LRIG3: variants seen among roughly 807,000 people sequenced by gnomAD.
The protein encoded by LRIG3 is leucine rich repeats and immunoglobulin like domains 3.
LRIG3 carries 76 observed loss-of-function variants against 114.5 expected under a neutral mutation model. That is an observed-to-expected ratio of 0.66 (90% CI 0.55 to 0.80). The LOEUF (loss-of-function observed/expected upper bound fraction) is 0.80, where lower values mean the gene tolerates loss of function less well. LRIG3 is among the 30% of genes least tolerant of loss of function. LRIG3 has a pLI of 0.00. For synonymous variants in LRIG3, 512 were observed against 519.8 expected, an observed-to-expected ratio of 0.98 and a Z score of 0.20; for missense variants, 1,239 against 1,382.8, an observed-to-expected ratio of 0.90 and a Z score of 1.65.
rs929349797 is a variant in LRIG3, at chr12:58,920,302, A to G, written c.-67T>C. The G allele has an allele frequency of 5.7e-6, 7 of 1,219,646 alleles. No homozygotes were observed. Among genetic ancestry groups the G allele is most frequent in the African/African-American group, 1.6e-5 (1 of 62,702 alleles). 75.6% of individuals were successfully genotyped at this position (1,219,646 alleles called of 1,614,324 possible). A position where few individuals can be genotyped will look rare whatever the true frequency, so the allele number is the denominator to read the frequency against. On this transcript the variant is annotated 5_prime_UTR_variant, in exon 1 of 19. Coordinates refer to ENST00000320743, the MANE Select transcript of LRIG3 (RefSeq NM_153377.5). ...GGCGCGCGCTCGGGGCCCGGCACAA[A>G]CTTCCAGCCGAGGGTGCACGCCCGC...
chr12:58,911,550 CA>C (rs1404670206), intron 3 of LRIG3, among the ~76,000 whole-genome samples: 37 of 152,236 alleles, frequency 2.4e-4, no homozygotes, highest in African/African-American at 7.7e-4. Context: ...AAAACAACCA[CA>C]AAAAACTCTT....
chr12:58,887,041 C>T (rs766497734), intron 8 of LRIG3, 151 bp from the exon 9 acceptor site: 16 of 593,466 alleles, frequency 2.7e-5, no homozygotes, highest in African/African-American at 3.8e-5. Context: ...TTTTCTCCAA[C>T]TTACCTCTTA....
rs753222629 is a variant in LRIG3 at position 58,880,730 on chromosome 12, T to G, written c.1652A>C (p.His551Pro). 2 of 1,614,126 alleles carry G rather than the reference T, an allele frequency of 1.2e-6. No individual in the cohort carries two copies. The highest frequency in any genetic ancestry group is 4.5e-5 in the East Asian group (2 of 44,866). ...LHDAEMENYA[H>P]LRAQGGEVME... ...CACCTCGCCACCTTGGGCCCGGAGG[T>G]GTGCATAATTTTCCATTTCAGCATC... The change falls in exon 13 of 19, where the codon CAC becomes CCC. Residue 551 changes from histidine to proline, a missense_variant. Physicochemically the swap from His to Pro is moderately conservative, Grantham distance 77 (BLOSUM62 -2). Transcript: ENST00000320743.
In LRIG3 at chr12:58,890,761, T is replaced by C; in HGVS notation, c.419A>G (p.His140Arg). ...GNRIVEILPE[H>R]LKEFQSLETL... ...TTCAAGGGACTGAAACTCTTTCAGA[T>C]GTTCAGGGAGTATTTCAACAATCCT... The change falls in exon 4 of 19, where the codon CAT becomes CGT. Residue 140 changes from histidine (H) to arginine (R), a missense_variant. His to Arg is a conservative substitution (Grantham distance 29). Coordinates refer to ENST00000320743, the MANE Select transcript of LRIG3 (RefSeq NM_153377.5). 1 of 1,608,214 alleles carries C rather than the reference T, an allele frequency of 6.2e-7. No individual in the cohort carries two copies. The highest frequency in any genetic ancestry group is 1.1e-5 in the South Asian group (1 of 89,494).
At position 58,878,970 on chromosome 12, in the gene LRIG3, G is replaced by C. The variant is rs774479435; in HGVS notation, c.1937C>G (p.Ala646Gly). ...WQKDGGTDFP[A>G]ARERRMHVMP... ...CACATGCATGCGTCTCTCCCGTGCAGCTGGGAAGTCTGTGCCCCCATCCTT... is the reference window on the plus strand; with the variant it reads ...CACATGCATGCGTCTCTCCCGTGCACCTGGGAAGTCTGTGCCCCCATCCTT... Residue 646 changes from alanine (A) to glycine (G), a missense_variant, in exon 14 of 19, where the codon GCT (alanine) becomes GGT (glycine). By Grantham distance (60) the Ala-to-Gly change is moderately conservative. Transcript: ENST00000320743. 6.8e-6 allele frequency: 11 copies of C among 1,614,062 alleles called. No homozygotes were observed. The South Asian group carries it at 1.2e-4, about 18-fold the overall frequency.
intron 10 of LRIG3, among the ~76,000 whole-genome samples, chr12:58,885,117 G>C (rs1871234274): frequency 6.6e-6 from 1 of 152,202 alleles, no homozygotes; most frequent in African/African-American, 2.4e-5. Flanking sequence ...GCAAGAGCTA[G>C]TGTGATGCAG....
At position 58,874,498 on chromosome 12, in the gene LRIG3, C is replaced by A. The variant is rs747631193; in HGVS notation, c.2771G>T (p.Gly924Val). The A allele has an allele frequency of 6.2e-7, 1 of 1,614,184 alleles. No homozygotes were observed. Among genetic ancestry groups the A allele is most frequent in the Non-Finnish European group, 8.5e-7 (1 of 1,180,038 alleles). The change falls in exon 17 of 19, where the codon GGA (glycine) becomes GTA (valine). Residue 924 changes from glycine (G) to valine (V), a missense_variant. Coordinates refer to ENST00000320743, the MANE Select transcript of LRIG3 (RefSeq NM_153377.5). ...CTTCAAATACATAGGGCCTGTGGATCCCAAAAACGGACAAAGGAACAGATC... is the reference window on the plus strand; with the variant it reads ...CTTCAAATACATAGGGCCTGTGGATACCAAAAACGGACAAAGGAACAGATC... Reference protein sequence around the residue: ...ATDLFLCPFLGSTGPMYLKGN... With the variant: ...ATDLFLCPFLVSTGPMYLKGN...
Position 58,913,932 on chromosome 12 carries a change from C to T in LRIG3, c.383+50G>A. 2.0e-6 allele frequency: 3 copies of T among 1,524,292 alleles called. No homozygotes were observed. In the East Asian group the frequency reaches 6.8e-5, roughly 34 times the overall value. The allele number at this position is 1,524,292 out of a possible 1,614,324, so 94.4% of individuals were successfully genotyped here. On this transcript the variant is annotated intron_variant, in intron 3 of 18. Transcript: ENST00000320743. ...TATGCTAGTCCCTATGGAACTCCCA[C>T]TCAAGGTTCCTGCAAACATACATGA...
rs141655566 is a variant in LRIG3 at position 58,876,171 on chromosome 12, T to C, written c.2695+274A>G. On this transcript the variant is annotated intron_variant, in intron 16 of 18. Transcript: ENST00000320743. ...TCATTTAAGGGCCAAAGAACATTTATAATGTAAAGGATACACAAATATCCT... is the reference window on the plus strand; with the variant it reads ...TCATTTAAGGGCCAAAGAACATTTACAATGTAAAGGATACACAAATATCCT... Among the ~76,000 whole-genome samples the C allele has an allele frequency of 3.9e-4, 60 of 152,362 alleles. No individual in the cohort carries two copies. In the East Asian group the frequency reaches 0.012, roughly 29 times the overall value.
intron 3 of LRIG3, among the ~76,000 whole-genome samples, chr12:58,910,096 A>G (rs887313778): frequency 6.6e-6 from 1 of 152,238 alleles, no homozygotes; most frequent in African/African-American, 2.4e-5. Flanking sequence ...CTCTGGGAAG[A>G]TGACAGGCTA....
At chr12:58,915,918 G>T (rs541236822) in intron 1 of LRIG3, among the ~76,000 whole-genome samples, 22 of 152,278 alleles carry the variant, frequency 1.4e-4, no homozygotes, top group Middle Eastern at 3.4e-3. Context: ...CTGGGAGGTA[G>T]CCTGAGTCAA....
intron 10 of LRIG3, among the ~76,000 whole-genome samples, chr12:58,884,877 G>A (rs892747158): frequency 7.2e-5 from 11 of 152,214 alleles, no homozygotes; most frequent in Middle Eastern, 3.4e-3. Context: ...AGTCAGAGTC[G>A]ATATTATACA....
intron 1 of LRIG3, among the ~76,000 whole-genome samples, chr12:58,917,301 G>A (rs1193857011): frequency 6.6e-6 from 1 of 152,194 alleles, no homozygotes; most frequent in Non-Finnish European, 1.5e-5. Context: ...AATAATACTG[G>A]AAGTTCTCAT....
intron 1 of LRIG3, chr12:58,919,472 A>G: frequency 6.4e-7 from 1 of 1,551,694 alleles, no homozygotes; most frequent in South Asian, 1.2e-5. Flanking sequence ...CAACAGAAGT[A>G]CGTCCACCAT....
intron 16 of LRIG3, 97 bp from the exon 17 acceptor site, chr12:58,874,670 T>G: frequency 6.7e-7 from 1 of 1,488,676 alleles, no homozygotes. Flanking sequence ...GATGAAAGTT[T>G]GACTAGAACA....
intron 10 of LRIG3, 143 bp from the exon 11 acceptor site, chr12:58,883,734 G>C (rs553982243): frequency 2.1e-6 from 1 of 466,808 alleles, no homozygotes; most frequent in African/African-American, 2.0e-5. Flanking sequence ...GGCAGCCCCA[G>C]AAGAATCCAC....
intron 13 of LRIG3, among the ~76,000 whole-genome samples, chr12:58,880,092 C>T (rs147528286): frequency 1.7e-4 from 26 of 152,148 alleles, no homozygotes; most frequent in African/African-American, 5.5e-4. Flanking sequence ...GTCAGGCGTT[C>T]GAGACCAGCC....
chr12:58,891,593 C>G (rs1212318386), intron 3 of LRIG3, among the ~76,000 whole-genome samples: 4 of 152,110 alleles, frequency 2.6e-5, no homozygotes, highest in Non-Finnish European at 5.9e-5. Flanking sequence ...AAATACTTGT[C>G]AGATTGGGGA....
At chr12:58,906,239 A>C (rs1313769948) in intron 3 of LRIG3, among the ~76,000 whole-genome samples, 5 of 152,172 alleles carry the variant, frequency 3.3e-5, no homozygotes, top group Non-Finnish European at 7.3e-5. Context: ...AAAACTGATG[A>C]CCACTTTTCA....
Sources: allele counts gnomAD v4.1 joint callset (sites outside exome capture counted in the v4.1 genomes callset), GRCh38; gene constraint gnomAD v4.1.1; transcripts MANE v1.5; gene names NCBI Gene and HGNC (gene_info 2026-07-23, HGNC 2026-07-21).